EYA4: variants seen among roughly 807,000 people sequenced by gnomAD.
EYA4 encodes the protein protein phosphatase EYA4.
A neutral mutation model predicts 87.9 loss-of-function variants in EYA4; 31 were observed. That is an observed-to-expected ratio of 0.35 (90% confidence interval 0.27 to 0.48). The LOEUF (loss-of-function observed/expected upper bound fraction) is 0.48, where lower values mean the gene tolerates loss of function less well. Ranked by LOEUF, EYA4 falls within the 20% of genes least tolerant of loss-of-function variation. The pLI is 0.99. For synonymous variants in EYA4, 263 were observed against 270.6 expected, an observed-to-expected ratio of 0.97 and a Z score of 0.28; for missense variants, 678 against 761.4, an observed-to-expected ratio of 0.89 and a Z score of 1.29.
chr6:133,461,578 A>G (rs1415349395), intron 7 of EYA4, among the ~76,000 whole-genome samples: 3 of 152,134 alleles, frequency 2.0e-5, no homozygotes, highest in Non-Finnish European at 4.4e-5. Flanking sequence ...CACTTTATTG[A>G]GGACAGTGGT....
intron 1 of EYA4, among the ~76,000 whole-genome samples, chr6:133,249,935 T>A (rs1774749449): frequency 6.6e-6 from 1 of 152,238 alleles, no homozygotes; most frequent in South Asian, 2.1e-4. Flanking sequence ...GTATTTGTCA[T>A]TTCTGTATCG....
intron 6 of EYA4, among the ~76,000 whole-genome samples, chr6:133,460,866 A>G (rs1794323490): frequency 6.6e-6 from 1 of 152,152 alleles, no homozygotes. Flanking sequence ...GAGCATGCTA[A>G]TGATTTGAGA....
intron 3 of EYA4, among the ~76,000 whole-genome samples, chr6:133,420,479 A>G (rs1371051347): frequency 6.6e-6 from 1 of 152,200 alleles, no homozygotes; most frequent in Non-Finnish European, 1.5e-5. Flanking sequence ...CTGGTTTCAT[A>G]CATGAAAGCC....
At chr6:133,473,338 C>T (rs972902616) in intron 11 of EYA4, among the ~76,000 whole-genome samples, 2 of 152,016 alleles carry the variant, frequency 1.3e-5, no homozygotes, top group Admixed American at 6.6e-5. Flanking sequence ...AGTAAATGAG[C>T]TCTTTGCCCA....
chr6:133,435,707 G>A lies in EYA4; in HGVS notation c.84-10923G>A, dbSNP rs148441594. ...AATGCCCGTACTTTTTCCAGAAAGT[G>A]GGAACTGATACACAGCAGTGGCATG... is the stretch of plus-strand genomic sequence containing the variant. On this transcript the variant is annotated intron_variant, in intron 3 of 19. Transcript: ENST00000355286. The A allele has an allele frequency of 1.1e-3, 165 of 152,278 alleles. 1 individual carries two copies. The highest frequency in any genetic ancestry group is 0.01 in the Middle Eastern group (3 of 294). The allele number at this position is 152,278 out of a possible 1,614,324, so 9.4% of individuals were successfully genotyped here.
chr6:133,507,139 T>C (rs140776730), intron 14 of EYA4: 1 of 152,356 alleles, frequency 6.6e-6, no homozygotes, highest in African/African-American at 2.4e-5. Flanking sequence ...TGTTGGACTT[T>C]CCATTAATTA....
intron 3 of EYA4, among the ~76,000 whole-genome samples, chr6:133,391,343 C>T (rs148550208): frequency 2.0e-5 from 3 of 151,424 alleles, no homozygotes; most frequent in African/African-American, 7.3e-5. Context: ...GATTCTCCTG[C>T]TTCAGCCTCC....
chr6:133,401,110 G>T (rs1209817053), intron 3 of EYA4, among the ~76,000 whole-genome samples: 1 of 152,116 alleles, frequency 6.6e-6, no homozygotes, highest in East Asian at 1.9e-4. Flanking sequence ...AGAACTGGGG[G>T]TCATTATTTA....
intron 2 of EYA4, among the ~76,000 whole-genome samples, chr6:133,318,481 G>C (rs1780792131): frequency 6.6e-6 from 1 of 152,122 alleles, no homozygotes; most frequent in Non-Finnish European, 1.5e-5. Flanking sequence ...TAGTTCGCTT[G>C]GTGCCTGTGT....
chr6:133,400,229 G>A (rs1166710566), intron 3 of EYA4, among the ~76,000 whole-genome samples: 3 of 152,188 alleles, frequency 2.0e-5, no homozygotes, highest in Non-Finnish European at 4.4e-5. Context: ...ATTATATGCG[G>A]TGGGGCGTGG....
At chr6:133,294,555 A>G (rs1778805762) in intron 2 of EYA4, among the ~76,000 whole-genome samples, 1 of 150,926 alleles carries the variant, frequency 6.6e-6, no homozygotes, top group Non-Finnish European at 1.5e-5. Context: ...ACATCGAAAT[A>G]CATTTCTTCT....
intron 3 of EYA4, among the ~76,000 whole-genome samples, chr6:133,445,640 G>T (rs144175231): frequency 2.0e-5 from 3 of 150,156 alleles, no homozygotes; most frequent in East Asian, 2.0e-4. Context: ...GTGCAGTGGC[G>T]CAATCTCCAC....
chr6:133,399,317 G>A (rs1219917328), intron 3 of EYA4, among the ~76,000 whole-genome samples: 1 of 152,090 alleles, frequency 6.6e-6, no homozygotes, highest in African/African-American at 2.4e-5. Context: ...TGTTAAACTA[G>A]TACTTCAATG....
At chr6:133,435,457 T>A (rs555271534) in intron 3 of EYA4, 1 of 152,766 alleles carries the variant, frequency 6.5e-6, no homozygotes, top group Admixed American at 6.5e-5. Flanking sequence ...TGACCCCAGT[T>A]CTGACTGTGT....
chr6:133,285,762 T>G (rs1049252991), intron 2 of EYA4, among the ~76,000 whole-genome samples: 1 of 152,206 alleles, frequency 6.6e-6, no homozygotes, highest in Non-Finnish European at 1.5e-5. Context: ...GCATTGGGGT[T>G]AATCTAAGAT....
intron 2 of EYA4, among the ~76,000 whole-genome samples, chr6:133,357,378 GTAT>G (rs1784150073): frequency 6.7e-6 from 1 of 150,336 alleles, no homozygotes; most frequent in Non-Finnish European, 1.5e-5. Context: ...GGGGACCTTT[GTAT>G]TATTCTCACA....
At chr6:133,399,615 T>G (rs1017176818) in intron 3 of EYA4, among the ~76,000 whole-genome samples, 2 of 152,212 alleles carry the variant, frequency 1.3e-5, no homozygotes, top group African/African-American at 4.8e-5. Flanking sequence ...TAAGTAGTTA[T>G]ATGGCATTGA....
intron 3 of EYA4, among the ~76,000 whole-genome samples, chr6:133,414,489 G>C (rs1362885992): frequency 6.6e-6 from 1 of 152,042 alleles, no homozygotes; most frequent in Non-Finnish European, 1.5e-5. Flanking sequence ...ATTCCTCACT[G>C]TATCTATAGA....
chr6:133,482,571 T>C (rs1282054475), intron 12 of EYA4, among the ~76,000 whole-genome samples: 1 of 152,248 alleles, frequency 6.6e-6, no homozygotes, highest in South Asian at 2.1e-4. Flanking sequence ...GGCCAACATA[T>C]CTGCTGGCCT....
Sources: gnomAD v4.1 joint callset for allele counts (sites outside exome capture counted in the v4.1 genomes callset) on GRCh38, gnomAD v4.1.1 for gene constraint, MANE v1.5 for transcripts, NCBI Gene and HGNC (gene_info 2026-07-23, HGNC 2026-07-21) for gene names.